FBXO11: variants seen among roughly 807,000 people sequenced by gnomAD.
The protein encoded by FBXO11 is F-box protein 11.
In FBXO11, 13 loss-of-function variants were observed where a neutral mutation model predicts 117.0. That is an observed-to-expected ratio of 0.11 (90% CI 0.07 to 0.18). The LOEUF is 0.18. Among genes scored for constraint, FBXO11 ranks in the 10% least tolerant of loss-of-function variants. FBXO11 has a pLI of 1.00. For synonymous variants in FBXO11, 490 were observed against 380.5 expected, an observed-to-expected ratio of 1.29 and a Z score of -3.35; for missense variants, 767 against 1,164.4, an observed-to-expected ratio of 0.66 and a Z score of 4.97.
Position 47,906,315 on chromosome 2 carries a change from C to T in FBXO11, c.-595G>A, listed in dbSNP as rs887658622. 3.9e-5 allele frequency among the ~76,000 whole-genome samples: 6 copies of T among 152,170 alleles called. No individual in the cohort carries two copies. Among genetic ancestry groups the T allele is most frequent in the Non-Finnish European group, 7.4e-5 (5 of 68,026 alleles). On this transcript the variant is annotated 5_prime_UTR_variant, in exon 1 of 23. Transcript: ENST00000403359. Reference sequence around the variant, plus strand: ...TTCGGTCTCTTCTCTCTCCTCCCCCCCTTCTCTCCTCGGCGAAGGGGAAAT... The same window carrying T: ...TTCGGTCTCTTCTCTCTCCTCCCCCTCTTCTCTCCTCGGCGAAGGGGAAAT...
chr2:47,861,510 TGGTGTC>T (rs1674775176), intron 1 of FBXO11, among the ~76,000 whole-genome samples: 1 of 152,022 alleles, frequency 6.6e-6, no homozygotes, highest in Non-Finnish European at 1.5e-5. Flanking sequence ...TTTGGAGAGA[TGGTGTC>T]TTGCTGTATT....
Position 47,820,459 on chromosome 2 carries a change from A to G in FBXO11, c.1703-3T>C, listed in dbSNP as rs1261548353. 6.2e-7 allele frequency: 1 copy of G among 1,609,346 alleles called. No homozygotes were observed. Among genetic ancestry groups the G allele is most frequent in the East Asian group, 2.2e-5 (1 of 44,818 alleles). ...TTGAATTCCTGCTAATGCATTGCCT[A>G]TTTAAAAATAAAAGTTACAAGGTCA... On this transcript the variant is annotated splice_polypyrimidine_tract_variant and splice_region_variant and intron_variant, in intron 13 of 22. Coordinates refer to ENST00000403359, the MANE Select transcript of FBXO11 (RefSeq NM_001190274.2).
intron 1 of FBXO11, among the ~76,000 whole-genome samples, chr2:47,873,997 G>A (rs1008510633): frequency 1.3e-4 from 20 of 151,956 alleles, no homozygotes; most frequent in African/African-American, 4.4e-4. Flanking sequence ...GGTGGATCAC[G>A]GGGTCAAGCG....
At chr2:47,880,766 C>T (rs1189240189) in intron 1 of FBXO11, among the ~76,000 whole-genome samples, 1 of 152,176 alleles carries the variant, frequency 6.6e-6, no homozygotes, top group Non-Finnish European at 1.5e-5. Context: ...ATGTTAAAAT[C>T]ATGACACTCC....
intron 1 of FBXO11, among the ~76,000 whole-genome samples, chr2:47,850,373 G>A (rs1392898945): frequency 6.6e-6 from 1 of 151,382 alleles, no homozygotes; most frequent in African/African-American, 2.4e-5. Flanking sequence ...TCAAGCATTA[G>A]TGAGTCATTT....
At chr2:47,874,597 C>A (rs1262194492) in intron 1 of FBXO11, among the ~76,000 whole-genome samples, 1 of 152,050 alleles carries the variant, frequency 6.6e-6, no homozygotes, top group East Asian at 1.9e-4. Context: ...TGCAGTGGTG[C>A]AATCTCAGCT....
At chr2:47,820,138 C>T (rs1275200450) in intron 14 of FBXO11, among the ~76,000 whole-genome samples, 2 of 152,132 alleles carry the variant, frequency 1.3e-5, no homozygotes, top group East Asian at 1.9e-4. Flanking sequence ...TAAATTTAGT[C>T]AGCTGCTGAG....
intron 1 of FBXO11, chr2:47,883,375 T>C (rs985867944): frequency 1.0e-4 from 26 of 257,160 alleles, no homozygotes; most frequent in African/African-American, 5.6e-4. Flanking sequence ...CTGCGACCAG[T>C]GCCCTGTGCA....
At chr2:47,810,256 C>G in intron 19 of FBXO11, 60 bp downstream of exon 19, 4 of 1,107,166 alleles carry the variant, frequency 3.6e-6, no homozygotes, top group Non-Finnish European at 5.2e-6. Context: ...TGAATATACT[C>G]CACATCAAAC....
intron 18 of FBXO11, chr2:47,812,798 C>G (rs997752121): frequency 4.6e-6 from 1 of 215,376 alleles, no homozygotes; most frequent in South Asian, 6.8e-5. Context: ...CCAAACCAGG[C>G]ACATCTTGGC....
chr2:47,895,306 A>G (rs1384578703), intron 1 of FBXO11, among the ~76,000 whole-genome samples: 1 of 152,256 alleles, frequency 6.6e-6, no homozygotes, highest in African/African-American at 2.4e-5. Context: ...ATGTAATACT[A>G]AACAGCAACA....
chr2:47,810,625 A>G, intron 18 of FBXO11, 199 bp from the exon 19 acceptor site: 1 of 473,334 alleles, frequency 2.1e-6, no homozygotes, highest in Non-Finnish European at 3.7e-6. Context: ...GACAGGTAAG[A>G]GCATTCTGAC....
intron 1 of FBXO11, among the ~76,000 whole-genome samples, chr2:47,900,582 ATATATACG>A (rs1226567131): frequency 1.7e-5 from 2 of 118,014 alleles, no homozygotes; most frequent in African/African-American, 5.9e-5. Flanking sequence ...GTATACACAC[ATATATACG>A]TATATACACA....
At chr2:47,856,456 C>T (rs1450890173) in intron 1 of FBXO11, among the ~76,000 whole-genome samples, 1 of 151,956 alleles carries the variant, frequency 6.6e-6, no homozygotes, top group Non-Finnish European at 1.5e-5. Context: ...CCAAAGAAAC[C>T]AGTATACATT....
At chr2:47,819,278 G>A (rs1183048132) in intron 14 of FBXO11, among the ~76,000 whole-genome samples, 200 bp from the exon 15 acceptor site, 9 of 152,092 alleles carry the variant, frequency 5.9e-5, no homozygotes, top group Non-Finnish European at 1.2e-4. Context: ...GTACAGTGGC[G>A]CGATCTTGGC....
intron 1 of FBXO11, among the ~76,000 whole-genome samples, chr2:47,870,656 T>C (rs559734224): frequency 6.6e-6 from 1 of 152,368 alleles, no homozygotes; most frequent in South Asian, 2.1e-4. Flanking sequence ...ATCATGGTGC[T>C]GCTGCTACTT....
chr2:47,835,969 G>A lies in FBXO11; in HGVS notation c.620C>T (p.Thr207Ile), dbSNP rs772698390. ...AGGTTCAGGATGCATCATAGGGCGA[G>A]TATATTCAAATACTTCCATATATAA... ...KRLYMEVFEY[T>I]RPMMHPEPGK... The change falls in exon 5 of 23, where the codon ACT (threonine) becomes ATT (isoleucine). Residue 207 changes from threonine (T) to isoleucine (I), a missense_variant. This residue lies in a region of FBXO11 where 355 missense variants were observed against 299.8 expected (regional missense o/e 1.18). Transcript: ENST00000403359. 2 of 1,609,914 alleles carry A rather than the reference G, an allele frequency of 1.2e-6. No homozygotes were observed. Among genetic ancestry groups the A allele is most frequent in the African/African-American group, 1.3e-5 (1 of 74,906 alleles).
At chr2:47,840,836 A>G (rs1672959390) in intron 1 of FBXO11, among the ~76,000 whole-genome samples, 1 of 149,556 alleles carries the variant, frequency 6.7e-6, no homozygotes, top group Non-Finnish European at 1.5e-5. Flanking sequence ...ATGAGTTCAT[A>G]ATAATACTTT....
chr2:47,809,954 T>C, intron 19 of FBXO11: 1 of 503,854 alleles, frequency 2.0e-6, no homozygotes, highest in South Asian at 3.1e-5. Flanking sequence ...ACATGATACT[T>C]GGATTTCATT....
Sources: allele counts gnomAD v4.1 joint callset (sites outside exome capture counted in the v4.1 genomes callset), GRCh38; gene constraint gnomAD v4.1.1; regional missense constraint gnomAD v4.1.1; transcripts MANE v1.5; gene names NCBI Gene and HGNC (gene_info 2026-07-23, HGNC 2026-07-21).